SOX5: variants seen among roughly 807,000 people sequenced by gnomAD.
SOX5 encodes SRY-box transcription factor 5, also known as transcription factor SOX-5.
SOX5 carries 9 observed loss-of-function variants against 92.0 expected under a neutral mutation model. The ratio of observed to expected loss-of-function variants is 0.10; its 90% CI spans 0.06 to 0.17. The LOEUF (loss-of-function observed/expected upper bound fraction) is 0.17. SOX5 is among the 10% of genes least tolerant of loss of function. The pLI, the probability that SOX5 is intolerant of heterozygous loss-of-function variation, is 1.00. For synonymous variants in SOX5, 344 were observed against 336.3 expected, an observed-to-expected ratio of 1.02 and a Z score of -0.25; for missense variants, 642 against 944.5, an observed-to-expected ratio of 0.68 and a Z score of 4.20.
chr12:24,313,792 T>A (rs1173808725), intron 2 of SOX5, among the ~76,000 whole-genome samples: 2 of 152,228 alleles, frequency 1.3e-5, no homozygotes, highest in South Asian at 2.1e-4. Flanking sequence ...TTTATATTTA[T>A]TTTTAGCCCA....
intron 9 of SOX5, among the ~76,000 whole-genome samples, chr12:23,587,224 A>C (rs1483240577): frequency 6.6e-6 from 1 of 152,042 alleles, no homozygotes; most frequent in African/African-American, 2.4e-5. Flanking sequence ...ACTCCTTGAC[A>C]TCTAAATTTT....
intron 4 of SOX5, among the ~76,000 whole-genome samples, chr12:24,035,466 T>C (rs1195743698): frequency 2.0e-5 from 3 of 152,066 alleles, no homozygotes; most frequent in East Asian, 1.9e-4. Flanking sequence ...GCTGTAACAA[T>C]GTATAAATCA....
chr12:24,217,033 T>C (rs992400881), intron 3 of SOX5, among the ~76,000 whole-genome samples: 2 of 152,204 alleles, frequency 1.3e-5, no homozygotes, highest in African/African-American at 4.8e-5. Flanking sequence ...AGACAGAAAC[T>C]TGTGCTCCAG....
chr12:24,510,030 A>G (rs1403916560), intron 1 of SOX5, among the ~76,000 whole-genome samples: 1 of 152,240 alleles, frequency 6.6e-6, no homozygotes, highest in East Asian at 1.9e-4. Context: ...GGCTTCACAA[A>G]CAGTTTTAAA....
intron 8 of SOX5, among the ~76,000 whole-genome samples, chr12:23,609,968 C>T (rs371589359): frequency 1.3e-5 from 2 of 152,116 alleles, no homozygotes; most frequent in East Asian, 3.9e-4. Context: ...ATTCTTTCTG[C>T]TCATCTCTAA....
At chr12:24,239,089 T>G (rs1965076967) in intron 3 of SOX5, among the ~76,000 whole-genome samples, 1 of 152,190 alleles carries the variant, frequency 6.6e-6, no homozygotes, top group Non-Finnish European at 1.5e-5. Flanking sequence ...GTAACAACCT[T>G]CAGAATCCCA....
intron 3 of SOX5, among the ~76,000 whole-genome samples, chr12:24,250,985 G>A (rs1309321525): frequency 6.6e-6 from 1 of 152,070 alleles, no homozygotes; most frequent in Non-Finnish European, 1.5e-5. Context: ...ATAATCTTTT[G>A]CAGTTAAACT....
At chr12:23,941,569 T>C (rs901888312) in intron 1 of SOX5, among the ~76,000 whole-genome samples, 4 of 151,682 alleles carry the variant, frequency 2.6e-5, no homozygotes, top group African/African-American at 9.6e-5. Flanking sequence ...GGAATAGCAT[T>C]CATAGTTATC....
chr12:24,499,054 C>A (rs570445711), intron 1 of SOX5, among the ~76,000 whole-genome samples: 1 of 152,238 alleles, frequency 6.6e-6, no homozygotes, highest in Non-Finnish European at 1.5e-5. Flanking sequence ...TGGGCTCATG[C>A]TCTCCCTGCA....
At chr12:24,162,850 A>G (rs1952919166) in intron 4 of SOX5, among the ~76,000 whole-genome samples, 1 of 152,160 alleles carries the variant, frequency 6.6e-6, no homozygotes, top group South Asian at 2.1e-4. Context: ...CTAAGGAGTC[A>G]CTGCCTGGTG....
chr12:23,671,248 G>A (rs1023316286), intron 6 of SOX5, among the ~76,000 whole-genome samples: 1 of 152,036 alleles, frequency 6.6e-6, no homozygotes, highest in Non-Finnish European at 1.5e-5. Context: ...CAGCTCTATG[G>A]TTTATATCAG....
chr12:24,183,981 T>C (rs1472831889), intron 4 of SOX5, among the ~76,000 whole-genome samples: 7 of 152,190 alleles, frequency 4.6e-5, no homozygotes, highest in Non-Finnish European at 2.9e-5. Flanking sequence ...CATATTTTTG[T>C]TGTTATTTAC....
intron 4 of SOX5, among the ~76,000 whole-genome samples, chr12:23,747,184 A>T (rs962504078): frequency 6.6e-6 from 1 of 152,068 alleles, no homozygotes; most frequent in Admixed American, 6.6e-5. Context: ...TATATAATTC[A>T]TTGGAAATTG....
chr12:24,270,583 A>T (rs990098629), intron 3 of SOX5, among the ~76,000 whole-genome samples: 1 of 152,222 alleles, frequency 6.6e-6, no homozygotes, highest in African/African-American at 2.4e-5. Context: ...AATAAAGCAC[A>T]TGCCCATGGA....
intron 3 of SOX5, among the ~76,000 whole-genome samples, chr12:24,274,645 G>A: frequency 7.1e-6 from 1 of 141,754 alleles, no homozygotes; most frequent in Non-Finnish European, 1.5e-5. Flanking sequence ...CAAGTTCAAA[G>A]AGTAAAGTCA....
At chr12:24,542,430 A>G (rs1380357188) in intron 1 of SOX5, among the ~76,000 whole-genome samples, 1 of 152,200 alleles carries the variant, frequency 6.6e-6, no homozygotes, top group Non-Finnish European at 1.5e-5. Flanking sequence ...AATACACTCG[A>G]TAGCACTTAT....
At chr12:24,008,116 T>C (rs1498868) in intron 4 of SOX5, among the ~76,000 whole-genome samples, 121,336 of 151,946 alleles carry the variant, frequency 0.8, 50,230 homozygotes, top group East Asian at 0.91. Flanking sequence ...GCTATTTTTC[T>C]AGTCTACTAA....
chr12:24,378,561 C>A (rs1171497927), intron 1 of SOX5, among the ~76,000 whole-genome samples: 14 of 152,166 alleles, frequency 9.2e-5, no homozygotes, highest in Non-Finnish European at 1.9e-4. Flanking sequence ...GACTTCATTC[C>A]CATATTTACA....
intron 1 of SOX5, among the ~76,000 whole-genome samples, chr12:24,525,852 C>G (rs1453483374): frequency 6.7e-6 from 1 of 149,372 alleles, no homozygotes; most frequent in African/African-American, 2.5e-5. Context: ...GAGACTCCAT[C>G]TCAAAAAAAA....
Sources: gnomAD v4.1 joint callset for allele counts (sites outside exome capture counted in the v4.1 genomes callset) on GRCh38, gnomAD v4.1.1 for gene constraint, MANE v1.5 for transcripts, NCBI Gene and HGNC (gene_info 2026-07-23, HGNC 2026-07-21) for gene names.